Variants in THSD7B observed in about 807,000 individuals in gnomAD.
THSD7B encodes thrombospondin type-1 domain-containing protein 7B.
In THSD7B, 138 loss-of-function variants were observed where a neutral mutation model predicts 213.6. That is an observed-to-expected ratio of 0.65 (90% CI 0.56 to 0.74). THSD7B has a LOEUF of 0.74. Ranked by LOEUF, THSD7B falls within the 30% of genes least tolerant of loss-of-function variation. THSD7B has a pLI of 0.00. For synonymous variants in THSD7B, 742 were observed against 687.0 expected (o/e 1.08, Z -1.25); for missense variants, 1,931 against 1,991.5 (o/e 0.97, Z 0.58).
chr2:137,009,590 G>A (rs575189394), intron 2 of THSD7B, among the ~76,000 whole-genome samples: 2 of 152,236 alleles, frequency 1.3e-5, no homozygotes, highest in African/African-American at 4.8e-5. Flanking sequence ...GATGGAAGGG[G>A]AAAGGTGCGT....
chr2:137,110,479 A>G (rs1483555751), intron 4 of THSD7B, among the ~76,000 whole-genome samples: 2 of 152,108 alleles, frequency 1.3e-5, no homozygotes, highest in Non-Finnish European at 2.9e-5. Context: ...AGTTATTAGC[A>G]TTCCCTTTCT....
chr2:137,023,088 G>A (rs572691753), intron 2 of THSD7B, among the ~76,000 whole-genome samples: 83 of 152,232 alleles, frequency 5.5e-4, no homozygotes, highest in Middle Eastern at 3.4e-3. Context: ...AACACCATAG[G>A]TACTTTAACA....
rs1682862547 is a variant in THSD7B, at chr2:137,276,009, A to G, written c.2483A>G (p.Lys828Arg). Residue 828 changes from lysine to arginine, a missense_variant, in exon 12 of 28, where the codon AAG (lysine) becomes AGG (arginine). Lys to Arg is a conservative substitution (Grantham distance 26). Coordinates refer to ENST00000409968, the MANE Select transcript of THSD7B (RefSeq NM_001316349.2). ...GITGSSEACG[K>R]GLQTRAVSCI... The stretch of plus-strand genomic sequence containing the variant: ...ACGGGCAGCAGTGAAGCCTGTGGAA[A>G]GGGGTTACAAACAAGAGGTATGATG... The G allele has an allele frequency of 2.5e-6, 4 of 1,611,636 alleles. No homozygotes were observed. The highest frequency in any genetic ancestry group is 1.3e-5 in the African/African-American group (1 of 74,932).
intron 12 of THSD7B, among the ~76,000 whole-genome samples, chr2:137,390,516 C>T (rs983988140): frequency 1.3e-5 from 2 of 152,062 alleles, no homozygotes; most frequent in African/African-American, 4.8e-5. Flanking sequence ...AATTTGGATG[C>T]CTTTCATTTT....
chr2:136,910,475 A>T (rs1222787749), intron 2 of THSD7B, among the ~76,000 whole-genome samples: 1 of 152,180 alleles, frequency 6.6e-6, no homozygotes, highest in Non-Finnish European at 1.5e-5. Context: ...TTTTATATTT[A>T]AAAAATGTGT....
chr2:137,024,300 T>C (rs1686502471), intron 2 of THSD7B, among the ~76,000 whole-genome samples: 1 of 152,164 alleles, frequency 6.6e-6, no homozygotes, highest in African/African-American at 2.4e-5. Flanking sequence ...CCAGGCTCTT[T>C]CTCAGAAAGT....
chr2:136,788,779 G>A (rs1449775225), intron 1 of THSD7B, among the ~76,000 whole-genome samples: 1 of 152,100 alleles, frequency 6.6e-6, no homozygotes, highest in Non-Finnish European at 1.5e-5. Context: ...CTAGGTGTTT[G>A]TAAATCATTA....
intron 1 of THSD7B, among the ~76,000 whole-genome samples, chr2:136,806,640 G>A (rs1558811429): frequency 6.6e-6 from 1 of 152,190 alleles, no homozygotes; most frequent in East Asian, 1.9e-4. Flanking sequence ...GGTTTCCCCT[G>A]TTGTAACATC....
chr2:137,394,321 C>T (rs1686118431), intron 12 of THSD7B, among the ~76,000 whole-genome samples: 1 of 126,744 alleles, frequency 7.9e-6, no homozygotes, highest in African/African-American at 2.9e-5. Flanking sequence ...TTTAATCCAT[C>T]TTGAATTGAT....
intron 16 of THSD7B, among the ~76,000 whole-genome samples, chr2:137,568,563 A>G (rs1044888526): frequency 6.6e-6 from 1 of 152,304 alleles, no homozygotes; most frequent in South Asian, 2.1e-4. Context: ...TCACAGTTCC[A>G]CATGGCTGGG....
chr2:137,246,751 C>A (rs1388540877), intron 10 of THSD7B, among the ~76,000 whole-genome samples: 1 of 151,642 alleles, frequency 6.6e-6, no homozygotes, highest in Admixed American at 6.6e-5. Context: ...TTATCACGAA[C>A]CATTTCCTTT....
chr2:137,643,553 C>A (rs762127138), intron 21 of THSD7B, among the ~76,000 whole-genome samples: 2 of 152,170 alleles, frequency 1.3e-5, no homozygotes, highest in African/African-American at 4.8e-5. Flanking sequence ...TTAACCAATT[C>A]AGAAGTAACT....
At chr2:136,844,006 C>CT (rs1369377587) in intron 1 of THSD7B, among the ~76,000 whole-genome samples, 6 of 152,296 alleles carry the variant, frequency 3.9e-5, no homozygotes, top group African/African-American at 1.4e-4. Context: ...AAACTATACT[C>CT]TGAGAGGCCA....
chr2:137,147,599 G>A (rs1679728973), intron 5 of THSD7B, among the ~76,000 whole-genome samples: 1 of 151,958 alleles, frequency 6.6e-6, no homozygotes, highest in African/African-American at 2.4e-5. Flanking sequence ...TTTTGGAGGA[G>A]AATGTTATTT....
chr2:137,073,950 C>T (rs998699209), intron 3 of THSD7B, among the ~76,000 whole-genome samples: 4 of 152,104 alleles, frequency 2.6e-5, no homozygotes, highest in African/African-American at 7.2e-5. Context: ...GTCTGAGAGA[C>T]AGTTTGTTAT....
chr2:137,359,060 T>C (rs1021015932), intron 12 of THSD7B, among the ~76,000 whole-genome samples: 1 of 152,232 alleles, frequency 6.6e-6, no homozygotes, highest in East Asian at 1.9e-4. Context: ...TCTCTTAATA[T>C]AGCCCACAAG....
chr2:137,545,639 C>T (rs1266826535), intron 15 of THSD7B, among the ~76,000 whole-genome samples: 1 of 151,890 alleles, frequency 6.6e-6, no homozygotes, highest in Non-Finnish European at 1.5e-5. Flanking sequence ...CAGTGTGCTT[C>T]CTGCTAAGGA....
At chr2:137,239,966 C>T (rs1681864534) in intron 9 of THSD7B, among the ~76,000 whole-genome samples, 1 of 152,164 alleles carries the variant, frequency 6.6e-6, no homozygotes. Flanking sequence ...AAACCAGCTA[C>T]TTGGTGTCTC....
intron 2 of THSD7B, among the ~76,000 whole-genome samples, chr2:137,047,345 A>G (rs1400656435): frequency 6.6e-6 from 1 of 152,202 alleles, no homozygotes; most frequent in Non-Finnish European, 1.5e-5. Flanking sequence ...TAGGTGTTTT[A>G]GTTGATTCTC....
Sources: gnomAD v4.1 joint callset for allele counts (sites outside exome capture counted in the v4.1 genomes callset) on GRCh38, gnomAD v4.1.1 for gene constraint, MANE v1.5 for transcripts, NCBI Gene and HGNC (gene_info 2026-07-23, HGNC 2026-07-21) for gene names.